The following ROR1 variants were observed in gnomAD, a reference collection of about 807,000 sequenced individuals.
ROR1 encodes inactive tyrosine-protein kinase transmembrane receptor ROR1.
In ROR1, 19 loss-of-function variants were observed where a neutral mutation model predicts 78.8. The observed-to-expected ratio is 0.24, with a 90% CI of 0.17 to 0.35. The LOEUF is 0.35. ROR1 is among the 10% of genes least tolerant of loss of function. ROR1 has a pLI of 1.00. For synonymous variants in ROR1, 386 were observed against 433.6 expected (o/e 0.89, Z 1.36); for missense variants, 917 against 1,177.8 (o/e 0.78, Z 3.24).
intron 1 of ROR1, among the ~76,000 whole-genome samples, chr1:63,854,487 A>G (rs1645136099): frequency 6.6e-6 from 1 of 152,202 alleles, no homozygotes; most frequent in Non-Finnish European, 1.5e-5. Flanking sequence ...GGTTTTACAA[A>G]TAGGTGACAG....
At chr1:63,810,567 C>G (rs1466399167) in intron 1 of ROR1, among the ~76,000 whole-genome samples, 1 of 152,136 alleles carries the variant, frequency 6.6e-6, no homozygotes, top group East Asian at 1.9e-4. Context: ...AGAAGAGGAA[C>G]AGATGAACTG....
chr1:64,083,689 C>T (rs1004966552), intron 4 of ROR1, among the ~76,000 whole-genome samples: 13 of 151,462 alleles, frequency 8.6e-5, no homozygotes, highest in South Asian at 4.2e-4. Flanking sequence ...AGATTTTAAA[C>T]GGAAGAGAGA....
chr1:64,066,700 T>C (rs1241365852), intron 4 of ROR1: 3 of 152,718 alleles, frequency 2.0e-5, no homozygotes, highest in African/African-American at 7.2e-5. Flanking sequence ...TGCAATTGCT[T>C]GTGATCAATC....
intron 1 of ROR1, among the ~76,000 whole-genome samples, chr1:63,907,126 C>T (rs1256409754): frequency 6.6e-6 from 1 of 152,136 alleles, no homozygotes; most frequent in Admixed American, 6.5e-5. Context: ...CAGCTTTCGC[C>T]CCCAGATACT....
At chr1:63,888,327 A>T (rs79368635) in intron 1 of ROR1, among the ~76,000 whole-genome samples, 2,354 of 152,258 alleles carry the variant, frequency 0.015, 64 homozygotes, top group African/African-American at 0.055. Flanking sequence ...GTTAAGACTG[A>T]TGCCCAGCTG....
intron 7 of ROR1, among the ~76,000 whole-genome samples, chr1:64,157,923 C>T (rs1436802534): frequency 1.3e-5 from 2 of 152,136 alleles, no homozygotes; most frequent in Non-Finnish European, 2.9e-5. Context: ...GGTAAATAAT[C>T]ATCTCTGAAT....
At chr1:63,850,903 G>T (rs898516616) in intron 1 of ROR1, among the ~76,000 whole-genome samples, 1 of 152,184 alleles carries the variant, frequency 6.6e-6, no homozygotes, top group African/African-American at 2.4e-5. Flanking sequence ...ACTGGCCAGT[G>T]AATTCAGGGA....
intron 7 of ROR1, among the ~76,000 whole-genome samples, chr1:64,149,859 A>C (rs1192189514): frequency 6.6e-6 from 1 of 152,076 alleles, no homozygotes; most frequent in Non-Finnish European, 1.5e-5. Context: ...TTGCTTTTCT[A>C]TGCAGCTCTG....
intron 1 of ROR1, among the ~76,000 whole-genome samples, chr1:63,836,640 G>T (rs888119077): frequency 6.6e-6 from 1 of 152,118 alleles, no homozygotes; most frequent in Non-Finnish European, 1.5e-5. Context: ...CAGAAATTCT[G>T]CACTTGGCAC....
chr1:63,793,879 G>T (rs578180899), intron 1 of ROR1, among the ~76,000 whole-genome samples: 1 of 152,264 alleles, frequency 6.6e-6, no homozygotes, highest in African/African-American at 2.4e-5. Flanking sequence ...TGCCCTCCCC[G>T]CTGGGGTTGG....
At chr1:64,131,868 A>G (rs1648924335) in intron 4 of ROR1, among the ~76,000 whole-genome samples, 1 of 111,348 alleles carries the variant, frequency 9.0e-6, no homozygotes, top group Non-Finnish European at 2.1e-5. Flanking sequence ...AATCCTCCCA[A>G]CCTTGATCTC....
At chr1:63,863,786 GTATTGTA>G (rs1348618671) in intron 1 of ROR1, among the ~76,000 whole-genome samples, 1 of 134,266 alleles carries the variant, frequency 7.4e-6, no homozygotes, top group Non-Finnish European at 1.6e-5. Context: ...GTATTGTATT[GTATTGTA>G]TTGTATTGTA....
intron 1 of ROR1, among the ~76,000 whole-genome samples, chr1:63,835,092 G>A (rs1645012257): frequency 6.6e-6 from 1 of 151,968 alleles, no homozygotes. Flanking sequence ...CTATTTTGGT[G>A]CTTTCCCTTC....
intron 1 of ROR1, among the ~76,000 whole-genome samples, chr1:63,848,268 C>T (rs1446346021): frequency 1.3e-5 from 2 of 152,140 alleles, no homozygotes; most frequent in African/African-American, 2.4e-5. Context: ...AGCAAAAAGG[C>T]GTCTTCATTT....
chr1:63,845,076 T>A (rs941093423), intron 1 of ROR1, among the ~76,000 whole-genome samples: 16 of 152,186 alleles, frequency 1.1e-4, no homozygotes, highest in Non-Finnish European at 2.4e-4. Flanking sequence ...GCGTATCTAA[T>A]TCTCTAATGA....
chr1:63,823,401 C>T (rs969354758), intron 1 of ROR1, among the ~76,000 whole-genome samples: 4 of 149,918 alleles, frequency 2.7e-5, no homozygotes, highest in African/African-American at 9.8e-5. Context: ...TTTAAGATAG[C>T]GCTTTGAAAG....
At chr1:64,104,943 G>C (rs140868740) in intron 4 of ROR1, among the ~76,000 whole-genome samples, 3 of 152,270 alleles carry the variant, frequency 2.0e-5, no homozygotes, top group South Asian at 4.2e-4. Context: ...TGTCTTTATA[G>C]TAGAATATTT....
At chr1:64,015,665 A>G (rs1256355908) in intron 2 of ROR1, among the ~76,000 whole-genome samples, 1 of 152,172 alleles carries the variant, frequency 6.6e-6, no homozygotes, top group Non-Finnish European at 1.5e-5. Context: ...TATTGTAAGG[A>G]TAGACTGGAT....
intron 1 of ROR1, among the ~76,000 whole-genome samples, chr1:63,990,485 G>A (rs1646286446): frequency 1.1e-5 from 1 of 88,030 alleles, no homozygotes; most frequent in Non-Finnish European, 2.5e-5. Flanking sequence ...CCAAGCAGTT[G>A]AAAGAATTCT....
Sources: gnomAD v4.1 joint callset for allele counts (sites outside exome capture counted in the v4.1 genomes callset) on GRCh38, gnomAD v4.1.1 for gene constraint, MANE v1.5 for transcripts, NCBI Gene and HGNC (gene_info 2026-07-23, HGNC 2026-07-21) for gene names.